Variants in ZNF83 observed in about 807,000 individuals in gnomAD.
ZNF83 encodes zinc finger protein 816B.
For missense variants in ZNF83, 552 were observed against 629.9 expected, an observed-to-expected ratio of 0.88 and a Z score of 1.32; for synonymous variants, 209 against 213.0, an observed-to-expected ratio of 0.98 and a Z score of 0.17.
At chr19:52,620,270 C>CTGTGTGTGTGTGTGTGTGTATATCTCTG (rs2060493343) in intron 2 of ZNF83, among the ~76,000 whole-genome samples, 2 of 144,432 alleles carry the variant, frequency 1.4e-5, no homozygotes, top group Non-Finnish European at 3.0e-5. Context: ...GTGTATATCT[C>CTGTGTGTGTGTGTGTGTGTATATCTCTG]TGTGTGTGTG....
intron 2 of ZNF83, among the ~76,000 whole-genome samples, chr19:52,622,998 G>A (rs1335111621): frequency 6.7e-6 from 1 of 148,508 alleles, no homozygotes; most frequent in Non-Finnish European, 1.5e-5. Flanking sequence ...CATTCCTACA[G>A]GACCTCCTCT....
chr19:52,642,838 T>C (rs753008758), upstream of ZNF83, among the ~76,000 whole-genome samples: 24 of 152,228 alleles, frequency 1.6e-4, no homozygotes, highest in Admixed American at 7.8e-4. Flanking sequence ...CTGGTCAACA[T>C]GGTGAAACCC....
chr19:52,690,179 T>C (rs1160423289), intron 1 of ZNF83, among the ~76,000 whole-genome samples: 2 of 93,272 alleles, frequency 2.1e-5, no homozygotes, highest in Non-Finnish European at 2.1e-5. Context: ...AAAATGATTT[T>C]GAGAAAAAAA....
intron 2 of ZNF83, among the ~76,000 whole-genome samples, chr19:52,630,041 T>C (rs1199065432): frequency 6.6e-6 from 1 of 152,202 alleles, no homozygotes; most frequent in Non-Finnish European, 1.5e-5. Flanking sequence ...CCCCAGGAGC[T>C]TGCTACAAGT....
chr19:52,680,918 A>G (rs2061906802), intron 1 of ZNF83, among the ~76,000 whole-genome samples: 1 of 151,512 alleles, frequency 6.6e-6, no homozygotes, highest in African/African-American at 2.4e-5. Flanking sequence ...GGCCTCCACA[A>G]AATATTTTAA....
intron 3 of ZNF83, among the ~76,000 whole-genome samples, chr19:52,648,383 G>A (rs1043905115): frequency 3.3e-5 from 5 of 151,842 alleles, no homozygotes; most frequent in South Asian, 4.1e-4. Flanking sequence ...ATAAGATAAC[G>A]CTGTCCAAAA....
At chr19:52,625,761 T>C (rs1322891905) in intron 2 of ZNF83, among the ~76,000 whole-genome samples, 1 of 152,132 alleles carries the variant, frequency 6.6e-6, no homozygotes, top group Non-Finnish European at 1.5e-5. Context: ...GCCCCATAAA[T>C]AACAGTGAAA....
At chr19:52,680,140 C>G (rs989033161) in intron 1 of ZNF83, among the ~76,000 whole-genome samples, 6 of 152,164 alleles carry the variant, frequency 3.9e-5, no homozygotes, top group African/African-American at 1.4e-4. Context: ...GATCACACCA[C>G]TGCACTCCAC....
intron 1 of ZNF83, among the ~76,000 whole-genome samples, chr19:52,665,261 C>T (rs1397033856): frequency 6.6e-6 from 1 of 152,030 alleles, no homozygotes; most frequent in Non-Finnish European, 1.5e-5. Context: ...TGCTTAAACA[C>T]AGCAGGGATG....
chr19:52,665,450 A>C (rs2061637382), intron 1 of ZNF83, among the ~76,000 whole-genome samples: 2 of 152,178 alleles, frequency 1.3e-5, no homozygotes, highest in East Asian at 3.9e-4. Flanking sequence ...ACCTTGTAAC[A>C]GTGCATATAA....
At chr19:52,652,969 T>C in intron 3 of ZNF83, 3 of 1,311,720 alleles carry the variant, frequency 2.3e-6, no homozygotes, top group Non-Finnish European at 3.3e-6. Context: ...GCCACACTCA[T>C]TACACCTGTA....
At chr19:52,671,752 A>C (rs2061729847) in intron 1 of ZNF83, among the ~76,000 whole-genome samples, 1 of 152,062 alleles carries the variant, frequency 6.6e-6, no homozygotes, top group Non-Finnish European at 1.5e-5. Context: ...ATTGCAATCT[A>C]TTTTAGGTGT....
intron 2 of ZNF83, among the ~76,000 whole-genome samples, chr19:52,615,683 C>T (rs955231358): frequency 6.6e-6 from 1 of 152,164 alleles, no homozygotes; most frequent in South Asian, 2.1e-4. Context: ...TGATCTTGGA[C>T]TTCACTGCTT....
Position 52,613,555 on chromosome 19 carries a change from C to T in ZNF83, c.1010G>A (p.Arg337Lys). 3.7e-6 allele frequency: 6 copies of T among 1,613,850 alleles called. No individual in the cohort carries two copies. The highest frequency in any genetic ancestry group is 5.1e-6 in the Non-Finnish European group (6 of 1,179,972). ...GTAAGGTTTCTCTCCAGTGTGGATT[C>T]TCCAGTGATTTACTAGGGATGACTT... The change falls in exon 3 of 3, where the codon AGA becomes AAA. Residue 337 changes from arginine (R) to lysine (K), a missense_variant. Arg to Lys is a conservative substitution (Grantham distance 26). Coordinates refer to ENST00000301096, the Ensembl canonical transcript of ZNF83.
chr19:52,684,872 C>T (rs1400975274), intron 1 of ZNF83, among the ~76,000 whole-genome samples: 1 of 152,134 alleles, frequency 6.6e-6, no homozygotes, highest in African/African-American at 2.4e-5. Flanking sequence ...CTGGCAGGGG[C>T]CCTGGACACA....
chr19:52,639,811 T>C (rs528847728), upstream of ZNF83, among the ~76,000 whole-genome samples: 39 of 152,142 alleles, frequency 2.6e-4, no homozygotes, highest in Middle Eastern at 3.4e-3. Flanking sequence ...ATCTTCACGA[T>C]GATAATAGTG....
At chr19:52,613,141 T>G in exon 3 of ZNF83, 5 of 1,613,940 alleles carry the variant, frequency 3.1e-6, no homozygotes, top group Non-Finnish European at 3.4e-6. Flanking sequence ...GATCGCATGA[T>G]GATTAGTGAG....
upstream of ZNF83, among the ~76,000 whole-genome samples, chr19:52,641,927 C>A (rs1421999095): frequency 2.0e-5 from 3 of 152,104 alleles, no homozygotes; most frequent in Non-Finnish European, 4.4e-5. Context: ...GGTGGAAAAA[C>A]TGGAATTGGG....
chr19:52,625,108 G>A (rs1442565929), intron 2 of ZNF83, among the ~76,000 whole-genome samples: 2 of 151,358 alleles, frequency 1.3e-5, no homozygotes, highest in Admixed American at 6.6e-5. Flanking sequence ...AGGCCTAATC[G>A]CCACTCACCA....
Sources: allele counts gnomAD v4.1 joint callset (sites outside exome capture counted in the v4.1 genomes callset), GRCh38; gene constraint gnomAD v4.1.1; transcripts MANE v1.5; gene names NCBI Gene and HGNC (gene_info 2026-07-23, HGNC 2026-07-21).